The following USP6NL variants were observed in gnomAD, a reference collection of about 807,000 sequenced individuals.
USP6NL encodes the protein USP6 N-terminal-like protein.
A neutral mutation model predicts 61.9 loss-of-function variants in USP6NL; 26 were observed. That is an observed-to-expected ratio of 0.42 (90% CI 0.31 to 0.58). The LOEUF is 0.58. USP6NL is among the 20% of genes least tolerant of loss of function. The pLI, the probability that USP6NL is intolerant of heterozygous loss-of-function variation, is 0.16. For synonymous variants in USP6NL, 432 were observed against 390.1 expected, an observed-to-expected ratio of 1.11 and a Z score of -1.27; for missense variants, 1,114 against 1,034.3, an observed-to-expected ratio of 1.08 and a Z score of -1.06.
At chr10:11,576,327 A>G (rs777629768) in intron 2 of USP6NL, among the ~76,000 whole-genome samples, 4 of 152,192 alleles carry the variant, frequency 2.6e-5, no homozygotes, top group Non-Finnish European at 4.4e-5. Flanking sequence ...TTCTCACTTC[A>G]GTATTTTATC....
chr10:11,512,306 G>C (rs1331087170), intron 5 of USP6NL, among the ~76,000 whole-genome samples: 1 of 152,030 alleles, frequency 6.6e-6, no homozygotes, highest in Non-Finnish European at 1.5e-5. Context: ...TACCCACTAA[G>C]CCCTCCTTCT....
chr10:11,578,374 A>G (rs1314734031), intron 2 of USP6NL, among the ~76,000 whole-genome samples: 1 of 152,208 alleles, frequency 6.6e-6, no homozygotes, highest in Non-Finnish European at 1.5e-5. Context: ...ACAATCTTTA[A>G]TAGAAGTGGT....
rs1381253199 is a variant in USP6NL at position 11,470,846 on chromosome 10, A to G, written c.1079-6997T>C. Among the ~76,000 whole-genome samples the G allele has an allele frequency of 6.6e-6, 1 of 152,218 alleles. No homozygotes were observed. Among genetic ancestry groups the G allele is most frequent in the African/African-American group, 2.4e-5 (1 of 41,462 alleles). On this transcript the variant is annotated intron_variant, in intron 14 of 14. Coordinates refer to ENST00000609104, the MANE Select transcript of USP6NL (RefSeq NM_014688.5). This position sits in a 1 kb window ranked among gnomAD's most constrained non-coding sequence, Gnocchi z 5.4. Reference sequence around the variant, plus strand: ...ATCATGTTTTTGCTCACTCCACTACAGTCTCATGCCTAAAATTTTATTTTC... The same window carrying G: ...ATCATGTTTTTGCTCACTCCACTACGGTCTCATGCCTAAAATTTTATTTTC...
At chr10:11,498,129 C>A (rs548317751) in intron 7 of USP6NL, among the ~76,000 whole-genome samples, 3 of 146,784 alleles carry the variant, frequency 2.0e-5, no homozygotes, top group Non-Finnish European at 4.5e-5. Flanking sequence ...CCCAGCTACT[C>A]GGTAGGCTGA....
rs1157579427 is a variant in USP6NL at position 11,487,847 on chromosome 10, A to G, written c.664+1255T>C. Among the ~76,000 whole-genome samples, 1 of 152,200 alleles carries G rather than the reference A, an allele frequency of 6.6e-6. No homozygotes were observed. Among genetic ancestry groups the G allele is most frequent in the Non-Finnish European group, 1.5e-5 (1 of 68,036 alleles). ...ACACACAATATCCTCACATGGTCAG[A>G]GTGTGAGACTTCACAAACAATGGGC... On this transcript the variant is annotated intron_variant, in intron 10 of 14. Coordinates refer to ENST00000609104, the MANE Select transcript of USP6NL (RefSeq NM_014688.5). This position sits in a 1 kb window ranked among gnomAD's most constrained non-coding sequence, Gnocchi z 4.2.
chr10:11,500,324 C>G lies in USP6NL; in HGVS notation c.384+777G>C, dbSNP rs76540261. Among the ~76,000 whole-genome samples, 897 of 151,992 alleles carry G rather than the reference C, an allele frequency of 5.9e-3. 18 individuals are homozygous for G. The highest frequency in any genetic ancestry group is 0.036 in the Admixed American group (555 of 15,278). ...CTGCACGTCCTGCACATGTGTACCCCTGAACTTAAAATAAAAGTTGAAGAA... is the reference window on the plus strand; with the variant it reads ...CTGCACGTCCTGCACATGTGTACCCGTGAACTTAAAATAAAAGTTGAAGAA... On this transcript the variant is annotated intron_variant, in intron 7 of 14. Coordinates refer to ENST00000609104, the MANE Select transcript of USP6NL (RefSeq NM_014688.5).
intron 7 of USP6NL, among the ~76,000 whole-genome samples, chr10:11,500,024 G>A (rs759869053): frequency 1.9e-4 from 29 of 152,198 alleles, no homozygotes; most frequent in Non-Finnish European, 3.5e-4. Context: ...GCCAGGACAT[G>A]GATGGAGTTG....
rs1320233851 is a variant in USP6NL at position 11,485,228 on chromosome 10, G to C, written c.766C>G (p.Gln256Glu). ...GTGTAAAAACTTGTGTAGATTTCTT[G>C]AGAATCCTGAAAAAACAAAGAGCTC... The part of the protein sequence containing the change: ...LSKLKQHLDS[Q>E]EIYTSFYTMK... Residue 256 changes from glutamine to glutamate, a missense_variant, in exon 12 of 15, where the codon CAA becomes GAA. By Grantham distance (29) the Gln-to-Glu change is conservative. Coordinates refer to ENST00000609104, the MANE Select transcript of USP6NL (RefSeq NM_014688.5). The surrounding 1 kb of genome is among the most constrained non-coding windows in gnomAD (Gnocchi z 4.8). The C allele has an allele frequency of 6.6e-6, 10 of 1,519,614 alleles. No individual in the cohort carries two copies. 94.1% of individuals were successfully genotyped at this position (1,519,614 alleles called of 1,614,324 possible). A position where few individuals can be genotyped will look rare whatever the true frequency, so the allele number is the denominator to read the frequency against.
At position 11,561,767 on chromosome 10, in the gene USP6NL, AAC is replaced by A. The variant is rs1245744442; in HGVS notation, c.5-34202_5-34201del. 2.0e-5 allele frequency among the ~76,000 whole-genome samples: 3 copies of A among 152,204 alleles called. No homozygotes were observed. The highest frequency in any genetic ancestry group is 7.2e-5 in the African/African-American group (3 of 41,460). ...AGACTAGAATTAGTAGGCCAGATGA[AAC>A]ACAACTTTTAATTTTGATAAAGAAT... On this transcript the variant is annotated intron_variant, in intron 2 of 14. Coordinates refer to ENST00000609104, the MANE Select transcript of USP6NL (RefSeq NM_014688.5). The surrounding 1 kb of genome is among the most constrained non-coding windows in gnomAD (Gnocchi z 4.1).
At position 11,602,646 on chromosome 10, in the gene USP6NL, A is replaced by T. The variant is rs1838576243; in HGVS notation, c.-83-4929T>A. ...TCCCAGGTGCTGGTTGAGTATGCCA[A>T]ATCTAAACTTTCTGAAATCAGACAC... On this transcript the variant is annotated intron_variant, in intron 1 of 14. Coordinates refer to ENST00000609104, the MANE Select transcript of USP6NL (RefSeq NM_014688.5). The surrounding 1 kb of genome is among the most constrained non-coding windows in gnomAD (Gnocchi z 4.8). Among the ~76,000 whole-genome samples, 2 of 152,180 alleles carry T rather than the reference A, an allele frequency of 1.3e-5. No individual in the cohort carries two copies. Among genetic ancestry groups the T allele is most frequent in the African/African-American group, 2.4e-5 (1 of 41,446 alleles).
chr10:11,509,491 C>A, intron 6 of USP6NL, 104 bp downstream of exon 6: 1 of 1,154,254 alleles, frequency 8.7e-7, no homozygotes, highest in Non-Finnish European at 1.2e-6. Flanking sequence ...AATTTCAAAA[C>A]CAAATATGAA....
intron 2 of USP6NL, among the ~76,000 whole-genome samples, chr10:11,583,290 G>A (rs938114488): frequency 2.7e-5 from 4 of 147,406 alleles, no homozygotes; most frequent in Non-Finnish European, 3.0e-5. Context: ...CCGGGTTCAC[G>A]CCATTCTCCG....
intron 7 of USP6NL, among the ~76,000 whole-genome samples, chr10:11,500,836 A>C (rs1834153563): frequency 6.6e-6 from 1 of 152,202 alleles, no homozygotes; most frequent in South Asian, 2.1e-4. Flanking sequence ...TTGATCATCT[A>C]ATTACTTTAA....
At position 11,462,699 on chromosome 10, in the gene USP6NL, G is replaced by A. The variant is rs2096220142; in HGVS notation, c.2229C>T (p.Tyr743=). The change falls in exon 15 of 15, where the codon TAC becomes TAT. Residue 743 remains tyrosine (Y), a synonymous_variant. Transcript: ENST00000609104. ...NRTWSEVSYT[Y]RPETQGQSWT... is the part of the protein sequence containing the mutation. ...ATGATTGTCCCTGCGTCTCAGGTCT[G>A]TATGTATAACTAACTTCTGACCATG... 1.2e-6 allele frequency: 2 copies of A among 1,613,900 alleles called. No homozygotes were observed. The highest frequency in any genetic ancestry group is 2.2e-5 in the East Asian group (1 of 44,898).
At chr10:11,569,747 G>GA (rs1255973350) in intron 2 of USP6NL, among the ~76,000 whole-genome samples, 2 of 152,322 alleles carry the variant, frequency 1.3e-5, no homozygotes, top group African/African-American at 4.8e-5. Flanking sequence ...GATACAGCCA[G>GA]AAATACTGCA....
intron 4 of USP6NL, among the ~76,000 whole-genome samples, chr10:11,519,540 G>C (rs1835113544): frequency 1.3e-5 from 2 of 152,196 alleles, no homozygotes; most frequent in African/African-American, 4.8e-5. Context: ...TGACACAGGA[G>C]AATCGCTTGA....
At chr10:11,603,304 T>C (rs1280859653) in intron 1 of USP6NL, among the ~76,000 whole-genome samples, 2 of 152,202 alleles carry the variant, frequency 1.3e-5, no homozygotes, top group Non-Finnish European at 2.9e-5. Context: ...GGAAAACAAA[T>C]GTCCATTCCA....
At chr10:11,550,133 A>G (rs1055461258) in intron 2 of USP6NL, among the ~76,000 whole-genome samples, 1 of 152,252 alleles carries the variant, frequency 6.6e-6, no homozygotes, top group Non-Finnish European at 1.5e-5. Flanking sequence ...TCAAAAATTA[A>G]CTTGAAATAA....
rs575699804 is a variant in USP6NL, at chr10:11,575,772, T to G, written c.4+21859A>C. ...ATCTGATCACATACTCTGATGTATG[T>G]AACTGAGCTGAACTCTTTAAAATGC... On this transcript the variant is annotated intron_variant, in intron 2 of 14. Coordinates refer to ENST00000609104, the MANE Select transcript of USP6NL (RefSeq NM_014688.5). The surrounding 1 kb of genome is among the most constrained non-coding windows in gnomAD (Gnocchi z 4.2). Among the ~76,000 whole-genome samples the G allele has an allele frequency of 6.6e-6, 1 of 152,210 alleles. No individual in the cohort carries two copies. The highest frequency in any genetic ancestry group is 6.5e-5 in the Admixed American group (1 of 15,288).
Sources: gnomAD v4.1 joint callset for allele counts (sites outside exome capture counted in the v4.1 genomes callset) on GRCh38, gnomAD v4.1.1 for gene constraint, Gnocchi (gnomAD v3.1) non-coding constraint, MANE v1.5 for transcripts, NCBI Gene and HGNC (gene_info 2026-07-23, HGNC 2026-07-21) for gene names.